TEAD4: variants seen among roughly 807,000 people sequenced by gnomAD.
TEAD4 encodes the protein TEA domain transcription factor 4.
TEAD4 carries 36 observed loss-of-function variants against 52.4 expected under a neutral mutation model. The observed-to-expected ratio is 0.69, with a 90% CI of 0.53 to 0.91. The LOEUF (loss-of-function observed/expected upper bound fraction) is 0.91. TEAD4 is among the 40% of genes least tolerant of loss of function. The pLI, the probability that TEAD4 is intolerant of heterozygous loss-of-function variation, is 0.00. For synonymous variants in TEAD4, 220 were observed against 231.0 expected, an observed-to-expected ratio of 0.95 and a Z score of 0.43; for missense variants, 508 against 583.9, an observed-to-expected ratio of 0.87 and a Z score of 1.34.
At chr12:2,992,722 C>T (rs1417326562) in intron 2 of TEAD4, among the ~76,000 whole-genome samples, 1 of 152,004 alleles carries the variant, frequency 6.6e-6, no homozygotes, top group Non-Finnish European at 1.5e-5. Context: ...TCCTCCTTTA[C>T]AAGTGGACTC....
At chr12:2,963,858 C>T (rs1441804083) in intron 2 of TEAD4, among the ~76,000 whole-genome samples, 3 of 152,276 alleles carry the variant, frequency 2.0e-5, no homozygotes, top group South Asian at 2.1e-4. Context: ...CTCCCTGTAG[C>T]GGGGGCTGGC....
intron 2 of TEAD4, among the ~76,000 whole-genome samples, chr12:2,973,236 T>G (rs565816108): frequency 2.6e-4 from 40 of 152,146 alleles, no homozygotes; most frequent in African/African-American, 9.6e-4. Flanking sequence ...CACGCCCGGC[T>G]CATTTTTGTA....
At position 3,005,553 on chromosome 12, in the gene TEAD4, A is replaced by G. The variant is rs567788948; in HGVS notation, c.227-5451A>G. ...GCTCTATCGCCCAGGCTGGAGTGCA[A>G]TGGTGCAATCTCGGCTCACTGCAAG... On this transcript the variant is annotated intron_variant, in intron 3 of 12. Transcript: ENST00000359864. 3.3e-3 allele frequency among the ~76,000 whole-genome samples: 499 copies of G among 151,586 alleles called. 4 individuals are homozygous for G. Among genetic ancestry groups the G allele is most frequent in the African/African-American group, 0.011 (444 of 41,292 alleles).
At chr12:2,990,153 A>G (rs990927291) in intron 2 of TEAD4, among the ~76,000 whole-genome samples, 1 of 152,124 alleles carries the variant, frequency 6.6e-6, no homozygotes, top group African/African-American at 2.4e-5. Flanking sequence ...TGGGTTTTTA[A>G]TTTCAGTGAC....
chr12:3,011,443 G>T (rs1197953985), intron 4 of TEAD4, among the ~76,000 whole-genome samples: 1 of 152,046 alleles, frequency 6.6e-6, no homozygotes, highest in Non-Finnish European at 1.5e-5. Flanking sequence ...CATTGGCCAG[G>T]CTGGTCTCGA....
chr12:3,008,758 C>T (rs1038456739), intron 3 of TEAD4, among the ~76,000 whole-genome samples: 1 of 152,128 alleles, frequency 6.6e-6, no homozygotes, highest in Non-Finnish European at 1.5e-5. Context: ...TAGTCTCTTC[C>T]TCTGAGCTGT....
At chr12:2,991,953 T>C (rs1459816127) in intron 2 of TEAD4, among the ~76,000 whole-genome samples, 1 of 151,818 alleles carries the variant, frequency 6.6e-6, no homozygotes, top group Non-Finnish European at 1.5e-5. Flanking sequence ...TCAGTGCCCT[T>C]TTCAGCAAGC....
At chr12:3,022,362 C>T (rs12579163) in intron 10 of TEAD4, among the ~76,000 whole-genome samples, 11,946 of 152,210 alleles carry the variant, frequency 0.078, 571 homozygotes, top group African/African-American at 0.14. Flanking sequence ...ACTAGGAGCG[C>T]CCTTGTCACC....
At chr12:3,011,379 C>T (rs1230764456) in intron 4 of TEAD4, among the ~76,000 whole-genome samples, 4 of 152,068 alleles carry the variant, frequency 2.6e-5, no homozygotes, top group Middle Eastern at 3.2e-3. Context: ...TATAGTCACC[C>T]GCCACAATGC....
Position 2,960,281 on chromosome 12 carries a change from A to C in TEAD4, c.-30+241A>C, listed in dbSNP as rs140476320. The C allele has an allele frequency of 6.9e-5, 68 of 985,518 alleles. 1 individual carries two copies. The highest frequency in any genetic ancestry group is 1.0e-3 in the Middle Eastern group (2 of 1,918). The allele number at this position is 985,518 out of a possible 1,614,324, so 61.0% of individuals were successfully genotyped here. A position where few individuals can be genotyped will look rare whatever the true frequency, so the allele number is the denominator to read the frequency against. On this transcript the variant is annotated intron_variant, in intron 2 of 12. Coordinates refer to ENST00000359864, the MANE Select transcript of TEAD4 (RefSeq NM_003213.4). The stretch of plus-strand genomic sequence containing the variant: ...GAGAGGCAGAACCGAGAGCATCGGC[A>C]ACAGAAGAGACCCAGCACCCATGCC...
At chr12:3,000,351 C>T (rs900777713) in intron 3 of TEAD4, among the ~76,000 whole-genome samples, 1 of 152,110 alleles carries the variant, frequency 6.6e-6, no homozygotes, top group African/African-American at 2.4e-5. Context: ...GCTGGGAAGT[C>T]CAAGGTTGAG....
intron 2 of TEAD4, among the ~76,000 whole-genome samples, chr12:2,978,699 T>G (rs2098231837): frequency 6.6e-6 from 1 of 151,418 alleles, no homozygotes; most frequent in Non-Finnish European, 1.5e-5. Flanking sequence ...CCACTGCGCC[T>G]GACAATGACT....
intron 2 of TEAD4, among the ~76,000 whole-genome samples, chr12:2,964,624 ATTTT>A (rs71057872): frequency 1.6e-5 from 2 of 125,426 alleles, no homozygotes; most frequent in Admixed American, 8.2e-5. Flanking sequence ...CACCTGGCTA[ATTTT>A]TTTTTTTTTT....
chr12:3,030,368 G>C (rs985871629), intron 10 of TEAD4, among the ~76,000 whole-genome samples: 12 of 152,286 alleles, frequency 7.9e-5, no homozygotes, highest in African/African-American at 2.9e-4. Context: ...TGCATGGGAG[G>C]GGTGGGCCTG....
At chr12:3,018,765 C>T (rs1408941257) in intron 7 of TEAD4, among the ~76,000 whole-genome samples, 177 bp downstream of exon 7, 1 of 152,042 alleles carries the variant, frequency 6.6e-6, no homozygotes, top group Admixed American at 6.5e-5. Context: ...TCACTGGGCT[C>T]ATCTGTGATG....
At position 3,040,119 on chromosome 12, in the gene TEAD4, C is replaced by T. The variant is rs143259791; in HGVS notation, c.1051C>T (p.Arg351Cys). ...CCGGGTCCTGCAGACAGAGTATGCT[C>T]GCTATGAGAATGGACACTACTCTTA... Residue 351 changes from arginine to cysteine, a missense_variant, in exon 12 of 13, where the codon CGC (arginine) becomes TGC (cysteine). Transcript: ENST00000359864. 355 of 1,614,140 alleles carry T rather than the reference C, an allele frequency of 2.2e-4. 2 individuals are homozygous for T. The African/African-American group carries it at 3.6e-3, about 16-fold the overall frequency.
chr12:2,985,426 C>G (rs1183809671), intron 2 of TEAD4, among the ~76,000 whole-genome samples: 1 of 151,294 alleles, frequency 6.6e-6, no homozygotes, highest in Non-Finnish European at 1.5e-5. Flanking sequence ...AAAACGCAAA[C>G]ACATCGTACA....
At chr12:2,964,539 C>T (rs1054778621) in intron 2 of TEAD4, among the ~76,000 whole-genome samples, 2 of 151,344 alleles carry the variant, frequency 1.3e-5, no homozygotes, top group African/African-American at 4.9e-5. Flanking sequence ...CACACCACAA[C>T]GTCTGCCTCC....
chr12:3,031,054 G>A (rs548733159), intron 10 of TEAD4, among the ~76,000 whole-genome samples: 34 of 152,326 alleles, frequency 2.2e-4, no homozygotes, highest in African/African-American at 7.2e-4. Flanking sequence ...AGGGTGTGGC[G>A]TGGGAGGCAG....
Sources: gnomAD v4.1 joint callset for allele counts (sites outside exome capture counted in the v4.1 genomes callset) on GRCh38, gnomAD v4.1.1 for gene constraint, MANE v1.5 for transcripts, NCBI Gene and HGNC (gene_info 2026-07-23, HGNC 2026-07-21) for gene names.